MAST4: variants seen among roughly 807,000 people sequenced by gnomAD.
The protein encoded by MAST4 is microtubule associated serine/threonine kinase family member 4.
A neutral mutation model predicts 162.7 loss-of-function variants in MAST4; 89 were observed. The ratio of observed to expected loss-of-function variants is 0.55; its 90% CI spans 0.46 to 0.65. MAST4 has a LOEUF of 0.65. MAST4 is among the 30% of genes least tolerant of loss of function. The pLI is 0.00. For synonymous variants in MAST4, 1,479 were observed against 1,361.1 expected (o/e 1.09, Z -1.91); for missense variants, 3,153 against 3,374.0 (o/e 0.93, Z 1.62).
chr5:67,010,117 T>G (rs908703801), intron 4 of MAST4, among the ~76,000 whole-genome samples: 1 of 152,186 alleles, frequency 6.6e-6, no homozygotes, highest in Non-Finnish European at 1.5e-5. Context: ...ATTGAAGATC[T>G]GTTGTGCACT....
At chr5:66,906,738 A>G (rs1391190001) in intron 4 of MAST4, among the ~76,000 whole-genome samples, 1 of 152,194 alleles carries the variant, frequency 6.6e-6, no homozygotes, top group Non-Finnish European at 1.5e-5. Context: ...GGCTAGCAGA[A>G]AGTTGAGCAG....
intron 19 of MAST4, among the ~76,000 whole-genome samples, chr5:67,139,066 C>G (rs1193875532): frequency 2.0e-5 from 3 of 152,134 alleles, no homozygotes; most frequent in Non-Finnish European, 4.4e-5. Flanking sequence ...GAACAAATCC[C>G]CTAACAGAAA....
chr5:66,792,980 G>T (rs1026834700), intron 3 of MAST4, among the ~76,000 whole-genome samples: 2 of 152,148 alleles, frequency 1.3e-5, no homozygotes, highest in Non-Finnish European at 2.9e-5. Context: ...ATACATTTCA[G>T]AAAAGTATAG....
chr5:67,072,055 C>T (rs1561610307), intron 5 of MAST4, among the ~76,000 whole-genome samples: 1 of 152,062 alleles, frequency 6.6e-6, no homozygotes, highest in Non-Finnish European at 1.5e-5. Context: ...TTAAAATATG[C>T]ATGCATGTGT....
chr5:66,774,685 T>C (rs140474190), intron 2 of MAST4, among the ~76,000 whole-genome samples: 28 of 152,370 alleles, frequency 1.8e-4, no homozygotes, highest in African/African-American at 6.5e-4. Context: ...CAAAGCCTTG[T>C]GCATTTCTCA....
chr5:67,094,195 G>A, intron 6 of MAST4: 1 of 1,448,392 alleles, frequency 6.9e-7, no homozygotes, highest in African/African-American at 1.4e-5. Context: ...TAACATTGTA[G>A]TAGTTCTGTG....
intron 4 of MAST4, among the ~76,000 whole-genome samples, chr5:66,929,118 A>T (rs1016681908): frequency 6.6e-6 from 1 of 152,228 alleles, no homozygotes; most frequent in Non-Finnish European, 1.5e-5. Context: ...GAATGACAGT[A>T]GCATGGTTCA....
chr5:66,900,675 G>A (rs576532004), intron 4 of MAST4, among the ~76,000 whole-genome samples: 57 of 152,034 alleles, frequency 3.7e-4, no homozygotes, highest in African/African-American at 1.3e-3. Flanking sequence ...TACATTTGAT[G>A]TCTGATTTAA....
chr5:67,073,161 C>G (rs1761179305), intron 5 of MAST4, among the ~76,000 whole-genome samples: 1 of 151,932 alleles, frequency 6.6e-6, no homozygotes, highest in South Asian at 2.1e-4. Flanking sequence ...GGCCAAATAC[C>G]CTAGAAGAAC....
chr5:66,852,298 C>T (rs1190670864), intron 3 of MAST4, among the ~76,000 whole-genome samples: 2 of 152,188 alleles, frequency 1.3e-5, no homozygotes, highest in Non-Finnish European at 2.9e-5. Flanking sequence ...CACGCATGCA[C>T]TACCATGGGC....
chr5:67,005,845 A>G (rs927201186), intron 4 of MAST4, among the ~76,000 whole-genome samples: 7 of 152,216 alleles, frequency 4.6e-5, no homozygotes, highest in Admixed American at 2.0e-4. Flanking sequence ...AGAGGGGCAC[A>G]CCTTTTGAGT....
intron 1 of MAST4, among the ~76,000 whole-genome samples, chr5:66,641,161 A>ATT (rs977451501): frequency 6.6e-6 from 1 of 151,812 alleles, no homozygotes; most frequent in African/African-American, 2.4e-5. Context: ...CTCATTATTA[A>ATT]TTTTTTATTT....
At chr5:67,007,244 T>A (rs1291542503) in intron 4 of MAST4, among the ~76,000 whole-genome samples, 1 of 152,126 alleles carries the variant, frequency 6.6e-6, no homozygotes, top group Non-Finnish European at 1.5e-5. Flanking sequence ...CCTTAACTGT[T>A]CTAAATCCTG....
intron 4 of MAST4, among the ~76,000 whole-genome samples, chr5:66,986,712 C>T (rs769472718): frequency 6.6e-5 from 10 of 151,512 alleles, no homozygotes; most frequent in Non-Finnish European, 1.2e-4. Context: ...CCTCAAGCTC[C>T]TGGGTTCAGT....
chr5:66,985,896 C>CTCA (rs1749426563), intron 4 of MAST4, among the ~76,000 whole-genome samples: 2 of 152,220 alleles, frequency 1.3e-5, no homozygotes, highest in African/African-American at 4.8e-5. Context: ...CTCCTTGCAT[C>CTCA]TCACCTACTT....
At chr5:66,653,230 C>G (rs1021730480) in intron 1 of MAST4, among the ~76,000 whole-genome samples, 2 of 152,200 alleles carry the variant, frequency 1.3e-5, no homozygotes, top group African/African-American at 4.8e-5. Context: ...AATTCTTACT[C>G]CCACTAAAAT....
chr5:67,096,432 G>C (rs1764479566), intron 7 of MAST4, among the ~76,000 whole-genome samples: 1 of 152,138 alleles, frequency 6.6e-6, no homozygotes, highest in Non-Finnish European at 1.5e-5. Context: ...TCAATATATG[G>C]AGTGATCTGG....
At chr5:66,789,346 C>A (rs1271704187) in intron 3 of MAST4, among the ~76,000 whole-genome samples, 1 of 152,108 alleles carries the variant, frequency 6.6e-6, no homozygotes, top group Admixed American at 6.5e-5. Flanking sequence ...ATCTGTATTT[C>A]AGTTTTATCG....
chr5:67,044,131 C>T (rs1340127986), intron 4 of MAST4, among the ~76,000 whole-genome samples: 4 of 152,232 alleles, frequency 2.6e-5, no homozygotes, highest in Admixed American at 2.6e-4. Context: ...CAAGTTACAG[C>T]ACATGCCCTT....
Sources: allele counts gnomAD v4.1 joint callset (sites outside exome capture counted in the v4.1 genomes callset), GRCh38; gene constraint gnomAD v4.1.1; transcripts MANE v1.5; gene names NCBI Gene and HGNC (gene_info 2026-07-23, HGNC 2026-07-21).